MAP7D2: variants seen among roughly 807,000 people sequenced by gnomAD.
The protein encoded by MAP7D2 is MAP7 domain containing 2.
In MAP7D2, 33 loss-of-function variants were observed where a neutral mutation model predicts 63.5. The ratio of observed to expected loss-of-function variants is 0.52; its 90% CI spans 0.39 to 0.70. The LOEUF is 0.70. Among genes scored for constraint, MAP7D2 ranks in the 30% least tolerant of loss-of-function variants. MAP7D2 has a pLI of 0.00. For missense variants in MAP7D2, 626 were observed against 604.0 expected, an observed-to-expected ratio of 1.04 and a Z score of -0.38; for synonymous variants, 224 against 223.7, an observed-to-expected ratio of 1.00 and a Z score of -0.01.
chrX:20,038,517 A>G (rs1399504660), intron 8 of MAP7D2, among the ~76,000 whole-genome samples: 1 of 111,804 alleles, frequency 8.9e-6, no homozygotes, highest in Admixed American at 9.5e-5. Context: ...AAGGCTGTGT[A>G]TGTTCTGAAT....
At chrX:20,054,224 A>G (rs1159000345) in intron 4 of MAP7D2, among the ~76,000 whole-genome samples, 2 of 112,405 alleles carry the variant, frequency 1.8e-5, no homozygotes, top group South Asian at 3.6e-4. Flanking sequence ...TTGAAATTAT[A>G]TGAGTTTTAA....
chrX:20,088,190 G>A (rs1213797986), intron 1 of MAP7D2, among the ~76,000 whole-genome samples: 2 of 108,807 alleles, frequency 1.8e-5, no homozygotes, highest in Non-Finnish European at 3.8e-5. Context: ...TGTGAGCTGT[G>A]CCCAGCCTCT....
chrX:20,026,899 T>C (rs944432478), intron 8 of MAP7D2, among the ~76,000 whole-genome samples: 3 of 111,869 alleles, frequency 2.7e-5, no homozygotes, highest in Non-Finnish European at 5.6e-5. Flanking sequence ...ATACAGAAAT[T>C]ACAAGTCATC....
chrX:20,110,027 C>T lies in MAP7D2; in HGVS notation c.130+6723G>A, dbSNP rs143519237. ...CTCCAGCCTGGGCAAGAGGGTGAGA[C>T]TCCATCTTAAAAAAAAAGAAAAGAT... On this transcript the variant is annotated intron_variant, in intron 1 of 16. Transcript: ENST00000379643. Among the ~76,000 whole-genome samples the T allele has an allele frequency of 9.3e-3, 1,015 of 108,586 alleles. 15 individuals are homozygous for T. Among genetic ancestry groups the T allele is most frequent in the African/African-American group, 0.032 (957 of 29,750 alleles). The allele number at this position is 108,586 out of a possible 115,157, so 94.3% of individuals were successfully genotyped here.
chrX:20,084,610 C>A (rs1417932666), intron 1 of MAP7D2, among the ~76,000 whole-genome samples: 1 of 94,333 alleles, frequency 1.1e-5, no homozygotes, highest in African/African-American at 3.9e-5. Context: ...ACTCTACTGC[C>A]CAGGCTGGAG....
intron 1 of MAP7D2, among the ~76,000 whole-genome samples, chrX:20,082,670 C>T (rs889483187): frequency 8.9e-6 from 1 of 112,050 alleles, no homozygotes; most frequent in Non-Finnish European, 1.9e-5. Flanking sequence ...GCACTGTTGT[C>T]GGGGCTGCAG....
chrX:20,094,375 G>C (rs2066149262), intron 1 of MAP7D2, among the ~76,000 whole-genome samples: 1 of 100,526 alleles, frequency 9.9e-6, no homozygotes, highest in African/African-American at 3.5e-5. Flanking sequence ...AAATATGTCA[G>C]GTAGCAGGGG....
intron 1 of MAP7D2, among the ~76,000 whole-genome samples, chrX:20,067,504 G>A (rs2065391555): frequency 1.8e-5 from 2 of 111,696 alleles, no homozygotes; most frequent in African/African-American, 6.5e-5. Context: ...AAAGTGCACT[G>A]CTCAGACTTT....
At chrX:20,035,598 A>G (rs1183713535) in intron 8 of MAP7D2, among the ~76,000 whole-genome samples, 1 of 111,596 alleles carries the variant, frequency 9.0e-6, no homozygotes, top group Non-Finnish European at 1.9e-5. Context: ...CCTTTAAAAT[A>G]TAAAATAGTT....
intron 6 of MAP7D2, among the ~76,000 whole-genome samples, chrX:20,046,891 A>G (rs1255320570): frequency 1.8e-5 from 2 of 112,741 alleles, no homozygotes; most frequent in Non-Finnish European, 3.8e-5. Context: ...ACCTGGGGTA[A>G]AAATGATACA....
At chrX:20,076,427 C>T (rs1244924894) in intron 1 of MAP7D2, among the ~76,000 whole-genome samples, 2 of 111,643 alleles carry the variant, frequency 1.8e-5, no homozygotes, top group South Asian at 3.7e-4. Context: ...GTATACAGGC[C>T]GGGCGCAGTG....
chrX:20,074,144 A>C (rs1305412794), intron 1 of MAP7D2, among the ~76,000 whole-genome samples: 1 of 108,523 alleles, frequency 9.2e-6, no homozygotes, highest in South Asian at 4.1e-4. Flanking sequence ...TCAAAAAAAA[A>C]AAAAAAAGAA....
chrX:20,038,712 T>C (rs1027830657), intron 8 of MAP7D2, among the ~76,000 whole-genome samples: 1 of 111,273 alleles, frequency 9.0e-6, no homozygotes, highest in African/African-American at 3.3e-5. Flanking sequence ...GAGGGAGGAA[T>C]GCTGCCACCA....
intron 8 of MAP7D2, among the ~76,000 whole-genome samples, chrX:20,033,185 A>G (rs1221455229): frequency 8.9e-6 from 1 of 112,569 alleles, no homozygotes; most frequent in East Asian, 2.8e-4. Context: ...AGTAAGCCCA[A>G]GTCACAGAAC....
At chrX:20,097,941 G>A (rs1443873029) in intron 1 of MAP7D2, among the ~76,000 whole-genome samples, 1 of 111,678 alleles carries the variant, frequency 9.0e-6, no homozygotes, top group African/African-American at 3.3e-5. Flanking sequence ...GCTCAACTTG[G>A]ATTACAGTAA....
rs190529082 is a variant in MAP7D2 at position 20,091,199 on chromosome X, G to C, written c.130+25551C>G. Among the ~76,000 whole-genome samples the C allele has an allele frequency of 8.2e-3, 871 of 106,634 alleles. 17 individuals carry two copies. The highest frequency in any genetic ancestry group is 0.028 in the African/African-American group (826 of 29,371). 92.6% of individuals were successfully genotyped at this position (106,634 alleles called of 115,157 possible). On this transcript the variant is annotated intron_variant, in intron 1 of 16. Coordinates refer to ENST00000379643, the MANE Select transcript of MAP7D2 (RefSeq NM_001168465.2). ...TCCAGAGTAGCTGGGATTACAGGCG[G>C]CCACCACCATGCCCAGCTAATTTTT...
chrX:20,075,166 C>G (rs944213307), intron 1 of MAP7D2, among the ~76,000 whole-genome samples: 4 of 112,221 alleles, frequency 3.6e-5, no homozygotes, highest in Admixed American at 9.4e-5. Flanking sequence ...ATGATTGGCA[C>G]TTTCAAAATC....
At position 20,016,195 on chromosome X, in the gene MAP7D2, T is replaced by C; in HGVS notation, c.1543A>G (p.Arg515Gly). ...CGCTTGGCCTCCTCGCCTGCCTTTC[T>C]TTTCTCTTCCCCTTCCTGTTTTTTC... is the stretch of plus-strand genomic sequence containing the variant. The part of the protein sequence containing the change: ...EKKKQEGEEK[R>G]KAGEEAKRKA... The change falls in exon 11 of 17, where the codon AGA (arginine) becomes GGA (glycine). Residue 515 changes from arginine (R) to glycine (G), a missense_variant. Coordinates refer to ENST00000379643, the MANE Select transcript of MAP7D2 (RefSeq NM_001168465.2). 8.4e-7 allele frequency: 1 copy of C among 1,195,650 alleles called. No homozygotes were observed. The highest frequency in any genetic ancestry group is 2.3e-5 in the Admixed American group (1 of 43,091).
At chrX:20,025,123 G>A (rs755596578) in intron 9 of MAP7D2, 40 bp from the exon 10 acceptor site, 3 of 1,170,848 alleles carry the variant, frequency 2.6e-6, no homozygotes, top group Admixed American at 5.0e-5. Context: ...AAGATCAAGG[G>A]AAACGAATAT....
Sources: gnomAD v4.1 joint callset for allele counts (sites outside exome capture counted in the v4.1 genomes callset) on GRCh38, gnomAD v4.1.1 for gene constraint, MANE v1.5 for transcripts, NCBI Gene and HGNC (gene_info 2026-07-23, HGNC 2026-07-21) for gene names.